The following ATG4A variants were observed in gnomAD, a reference collection of about 807,000 sequenced individuals.
ATG4A encodes autophagy related 4A cysteine peptidase.
ATG4A carries 22 observed loss-of-function variants against 38.4 expected under a neutral mutation model. The observed-to-expected ratio is 0.57, with a 90% CI of 0.41 to 0.82. ATG4A has a LOEUF of 0.82. Ranked by LOEUF, ATG4A falls within the 40% of genes least tolerant of loss-of-function variation. The pLI is 0.00. For missense variants in ATG4A, 220 were observed against 290.0 expected (o/e 0.76, Z 1.75); for synonymous variants, 86 against 100.7 (o/e 0.85, Z 0.88).
At chrX:108,138,334 T>C in intron 9 of ATG4A, 143 bp downstream of exon 9, 2 of 515,660 alleles carry the variant, frequency 3.9e-6, no homozygotes, top group Non-Finnish European at 3.3e-6. Context: ...GCTCCTTCTG[T>C]CTCCGGCCTA....
In ATG4A at chrX:108,123,371, A is replaced by C. The variant is rs774744582; in HGVS notation, c.11-2706A>C. Among the ~76,000 whole-genome samples the C allele has an allele frequency of 5.3e-5, 6 of 112,421 alleles. No homozygotes were observed. In the South Asian group the frequency reaches 2.2e-3, roughly 42 times the overall value. ...AGGTAGTTTGTGAAAAATTTAAAAC[A>C]AAAAGCATTGCTGTTAATCAGAAGT... On this transcript the variant is annotated intron_variant, in intron 1 of 12. Coordinates refer to ENST00000372232, the MANE Select transcript of ATG4A (RefSeq NM_052936.5).
rs759268878 is a variant in ATG4A, at chrX:108,153,628, C to G, written c.1127-14C>G. Reference sequence around the variant, plus strand: ...GTCAAGCTTTTCTTCTTTCTCATTTCCGTATTCTGATAGAATTCATTGACT... The same window carrying G: ...GTCAAGCTTTTCTTCTTTCTCATTTGCGTATTCTGATAGAATTCATTGACT... On this transcript the variant is annotated splice_polypyrimidine_tract_variant and intron_variant, in intron 12 of 12. Coordinates refer to ENST00000372232, the MANE Select transcript of ATG4A (RefSeq NM_052936.5). 3 of 1,189,490 alleles carry G rather than the reference C, an allele frequency of 2.5e-6. No homozygotes were observed. The highest frequency in any genetic ancestry group is 3.4e-6 in the Non-Finnish European group (3 of 877,142).
At chrX:108,149,641 G>A (rs1163958383) in intron 9 of ATG4A, among the ~76,000 whole-genome samples, 1 of 112,326 alleles carries the variant, frequency 8.9e-6, no homozygotes, top group Non-Finnish European at 1.9e-5. Flanking sequence ...TCCATAAAGA[G>A]TCAGCATTCC....
intron 9 of ATG4A, among the ~76,000 whole-genome samples, chrX:108,148,020 AATATATATATATAT>A (rs60886281): frequency 2.7e-3 from 216 of 80,034 alleles, no homozygotes; most frequent in African/African-American, 9.4e-3. Flanking sequence ...ACTAATGGAA[AATATATATATATAT>A]ATATATATAT....
At chrX:108,144,279 A>G (rs1195075620) in intron 9 of ATG4A, among the ~76,000 whole-genome samples, 1 of 112,881 alleles carries the variant, frequency 8.9e-6, no homozygotes, top group Non-Finnish European at 1.9e-5. Flanking sequence ...GAAGCATTGC[A>G]TACAGGATAG....
chrX:108,092,479 A>G (rs1383519728), intron 1 of ATG4A, among the ~76,000 whole-genome samples: 9 of 112,479 alleles, frequency 8.0e-5, no homozygotes, highest in Non-Finnish European at 1.7e-4. Flanking sequence ...ACATTATGCC[A>G]CAACTAGGTA....
At chrX:108,137,049 C>T (rs898794102) in intron 6 of ATG4A, 42 bp from the exon 7 acceptor site, 7 of 1,104,749 alleles carry the variant, frequency 6.3e-6, no homozygotes, top group African/African-American at 1.8e-5. Context: ...GCTGATATTT[C>T]CATCTTCCCA....
chrX:108,151,714 A>G, intron 10 of ATG4A, 88 bp from the exon 11 acceptor site: 3 of 932,195 alleles, frequency 3.2e-6, no homozygotes, highest in Non-Finnish European at 4.6e-6. Context: ...ATCCACAGAG[A>G]CTGGCCCACA....
chrX:108,088,966 C>G (rs1034458379), upstream of ATG4A: 4 of 502,203 alleles, frequency 8.0e-6, no homozygotes, highest in African/African-American at 4.7e-5. Flanking sequence ...GCACTGGATC[C>G]TCAGGTAGGT....
chrX:108,088,886 A>G (rs968407342), upstream of ATG4A: 3 of 1,049,304 alleles, frequency 2.9e-6, no homozygotes, highest in Admixed American at 2.8e-5. Flanking sequence ...TTCTTGAAAT[A>G]GAAGGCAAAA....
intron 1 of ATG4A, among the ~76,000 whole-genome samples, chrX:108,121,770 C>T (rs749733843): frequency 7.1e-5 from 8 of 112,210 alleles, no homozygotes; most frequent in Admixed American, 1.9e-4. Flanking sequence ...AGCCTCTCCA[C>T]TAAAAAGCTT....
chrX:108,098,645 C>T (rs2031908908), intron 1 of ATG4A, among the ~76,000 whole-genome samples: 1 of 111,426 alleles, frequency 9.0e-6, no homozygotes, highest in South Asian at 3.8e-4. Context: ...CTACCCCCAC[C>T]ATTGATAACC....
intron 1 of ATG4A, among the ~76,000 whole-genome samples, chrX:108,096,653 TTTATTTTATTTTA>T (rs1162791373): frequency 4.5e-5 from 5 of 110,793 alleles, no homozygotes; most frequent in African/African-American, 6.6e-5. Context: ...TATATTTTAT[TTTATTTTATTTTA>T]TTATTTTATT....
chrX:108,096,696 G>A (rs982741397), intron 1 of ATG4A, among the ~76,000 whole-genome samples: 7 of 109,670 alleles, frequency 6.4e-5, no homozygotes, highest in African/African-American at 2.3e-4. Flanking sequence ...TGTATGTTAT[G>A]TTATGTTATG....
At chrX:108,140,609 A>T (rs1164975853) in intron 9 of ATG4A, among the ~76,000 whole-genome samples, 1 of 104,583 alleles carries the variant, frequency 9.6e-6, no homozygotes. Context: ...TATATATATA[A>T]AATATATATA....
At chrX:108,144,916 T>A (rs1463912794) in intron 9 of ATG4A, among the ~76,000 whole-genome samples, 1 of 112,150 alleles carries the variant, frequency 8.9e-6, no homozygotes, top group Non-Finnish European at 1.9e-5. Context: ...TTATGCCCAC[T>A]GGAAAGATTT....
chrX:108,151,005 A>G (rs1225926044), intron 10 of ATG4A, among the ~76,000 whole-genome samples: 2 of 112,480 alleles, frequency 1.8e-5, no homozygotes, highest in Admixed American at 9.4e-5. Context: ...CATTGTAAGC[A>G]TTCTATAAAT....
Position 108,152,151 on chromosome X carries a change from T to A in ATG4A, c.1017+293T>A, listed in dbSNP as rs192115933. 32 of 226,415 alleles carry A rather than the reference T, an allele frequency of 1.4e-4. 1 individual carries two copies. The highest frequency in any genetic ancestry group is 1.4e-3 in the Middle Eastern group (1 of 727). 18.7% of individuals were successfully genotyped at this position (226,415 alleles called of 1,213,427 possible). On this transcript the variant is annotated intron_variant, in intron 11 of 12. Coordinates refer to ENST00000372232, the MANE Select transcript of ATG4A (RefSeq NM_052936.5). ...GACAATTATTTTCTAAAGGCAATAC[T>A]TACATTTTAGAATGCAGCAAAACTG...
At chrX:108,091,428 G>C (rs1455256207), upstream of ATG4A, 1 of 1,211,839 alleles carries the variant, frequency 8.3e-7, no homozygotes, top group Admixed American at 2.2e-5. Flanking sequence ...TAGTAGCCAG[G>C]GATTTATCGG....
Sources: gnomAD v4.1 joint callset for allele counts (sites outside exome capture counted in the v4.1 genomes callset) on GRCh38, gnomAD v4.1.1 for gene constraint, MANE v1.5 for transcripts, NCBI Gene and HGNC (gene_info 2026-07-23, HGNC 2026-07-21) for gene names.